LNPEP: variants seen among roughly 807,000 people sequenced by gnomAD.
LNPEP encodes the protein leucyl-cystinyl aminopeptidase.
LNPEP carries 64 observed loss-of-function variants against 120.6 expected under a neutral mutation model. The ratio of observed to expected loss-of-function variants is 0.53; its 90% CI spans 0.43 to 0.65. LNPEP has a LOEUF of 0.65. Among genes scored for constraint, LNPEP ranks in the 30% least tolerant of loss-of-function variants. The probability of loss-of-function intolerance (pLI) is 0.00; values close to 1 mark genes in which losing one functional copy is unlikely to be tolerated. For missense variants in LNPEP, 1,057 were observed against 1,200.0 expected (o/e 0.88, Z 1.76); for synonymous variants, 435 against 425.4 (o/e 1.02, Z -0.28).
chr5:97,019,513 A>G lies in LNPEP; in HGVS notation c.2377-2787A>G, dbSNP rs564380783. Among the ~76,000 whole-genome samples, 3 of 152,298 alleles carry G rather than the reference A, an allele frequency of 2.0e-5. No homozygotes were observed. The East Asian group carries it at 5.8e-4, about 29-fold the overall frequency. The stretch of plus-strand genomic sequence containing the variant: ...ATGTTATAATTTGAAATACATTTAA[A>G]CAACTATTTTGAGAACTTGCCTTAA... On this transcript the variant is annotated intron_variant, in intron 13 of 17. Transcript: ENST00000231368.
At chr5:97,002,858 C>G (rs1269275844) in intron 8 of LNPEP, among the ~76,000 whole-genome samples, 1 of 152,090 alleles carries the variant, frequency 6.6e-6, no homozygotes, top group East Asian at 1.9e-4. Flanking sequence ...TGCTCCCTGC[C>G]CTATACATTT....
At chr5:97,011,995 C>A (rs1359104263) in intron 11 of LNPEP, among the ~76,000 whole-genome samples, 1 of 151,940 alleles carries the variant, frequency 6.6e-6, no homozygotes, top group Non-Finnish European at 1.5e-5. Flanking sequence ...ATCTTTAGTA[C>A]CTAAGCTAAG....
At chr5:96,938,123 A>G (rs1788963495) in intron 1 of LNPEP, among the ~76,000 whole-genome samples, 1 of 152,248 alleles carries the variant, frequency 6.6e-6, no homozygotes, top group Non-Finnish European at 1.5e-5. Context: ...CAGGGTATTT[A>G]TTTGAAAACT....
chr5:96,936,139 G>T lies in LNPEP; in HGVS notation c.-17G>T. On this transcript the variant is annotated 5_prime_UTR_variant, in exon 1 of 18. Coordinates refer to ENST00000231368, the MANE Select transcript of LNPEP (RefSeq NM_005575.3). ...AGCTCGGGCGCTCCGGCTGTAAGGA[G>T]CCGCGGCGGGGGGAAAATGGAGCCC... The T allele has an allele frequency of 6.6e-7, 1 of 1,508,448 alleles. No individual in the cohort carries two copies. The highest frequency in any genetic ancestry group is 8.9e-7 in the Non-Finnish European group (1 of 1,129,410). 93.4% of individuals were successfully genotyped at this position (1,508,448 alleles called of 1,614,324 possible).
At chr5:96,943,871 G>A (rs1789119033) in intron 1 of LNPEP, among the ~76,000 whole-genome samples, 1 of 152,194 alleles carries the variant, frequency 6.6e-6, no homozygotes, top group African/African-American at 2.4e-5. Flanking sequence ...CAAAAATGTA[G>A]TCACTGAACC....
At chr5:96,977,134 A>G (rs951731422) in intron 1 of LNPEP, among the ~76,000 whole-genome samples, 2 of 152,148 alleles carry the variant, frequency 1.3e-5, no homozygotes, top group African/African-American at 4.8e-5. Context: ...GAGAGGAGTC[A>G]GGAAAAGGTA....
Position 97,036,561 on chromosome 5 carries a change from G to A in LNPEP, c.*8028G>A, listed in dbSNP as rs1791576042. ...AAACTCCACATTTGTCTGCATCAGG[G>A]AAAATGCATGGGCACACATCCTCCC... On this transcript the variant is annotated 3_prime_UTR_variant, in exon 18 of 18. Transcript: ENST00000231368. 1 of 152,078 alleles carries A rather than the reference G, an allele frequency of 6.6e-6. No individual in the cohort carries two copies. The highest frequency in any genetic ancestry group is 2.1e-4 in the South Asian group (1 of 4,822). The allele number at this position is 152,078 out of a possible 1,614,324, so 9.4% of individuals were successfully genotyped here.
chr5:96,976,866 A>G (rs1331987516), intron 1 of LNPEP, among the ~76,000 whole-genome samples: 1 of 152,086 alleles, frequency 6.6e-6, no homozygotes, highest in Non-Finnish European at 1.5e-5. Flanking sequence ...ATACAGCAAT[A>G]TTTGCTCTGT....
intron 11 of LNPEP, chr5:97,011,280 C>G: frequency 1.3e-6 from 1 of 772,528 alleles, no homozygotes; most frequent in Non-Finnish European, 1.6e-6. Context: ...GGCTAAGGTA[C>G]AGTGGCATGA....
In LNPEP at chr5:97,022,568, G is replaced by T. The variant is rs867927241; in HGVS notation, c.2561+84G>T. On this transcript the variant is annotated intron_variant, in intron 14 of 17. Transcript: ENST00000231368. ...CAGTATCCAGGGTATTCTCATCCTGGATCATAAATGTTATAAAACTGAGTG... is the reference window on the plus strand; with the variant it reads ...CAGTATCCAGGGTATTCTCATCCTGTATCATAAATGTTATAAAACTGAGTG... 30 of 1,103,102 alleles carry T rather than the reference G, an allele frequency of 2.7e-5. No homozygotes were observed. In the Middle Eastern group the frequency reaches 6.0e-4, roughly 22 times the overall value. 68.3% of individuals were successfully genotyped at this position (1,103,102 alleles called of 1,614,324 possible). A position where few individuals can be genotyped will look rare whatever the true frequency, so the allele number is the denominator to read the frequency against.
intron 1 of LNPEP, among the ~76,000 whole-genome samples, chr5:96,962,503 A>C (rs1581987492): frequency 6.6e-6 from 1 of 152,330 alleles, no homozygotes; most frequent in East Asian, 1.9e-4. Context: ...ACTCAATGAG[A>C]TAGATAATAT....
chr5:96,978,801 C>T (rs1019907228), intron 1 of LNPEP, among the ~76,000 whole-genome samples: 1 of 152,144 alleles, frequency 6.6e-6, no homozygotes, highest in Non-Finnish European at 1.5e-5. Flanking sequence ...AAAACAGTGC[C>T]CTCTCAAGCC....
At chr5:96,946,557 T>G (rs1262036176) in intron 1 of LNPEP, among the ~76,000 whole-genome samples, 1 of 152,254 alleles carries the variant, frequency 6.6e-6, no homozygotes, top group East Asian at 1.9e-4. Context: ...GAAGAATTTA[T>G]GCATAGAATC....
At chr5:96,966,810 T>C (rs1789737985) in intron 1 of LNPEP, among the ~76,000 whole-genome samples, 1 of 152,120 alleles carries the variant, frequency 6.6e-6, no homozygotes, top group South Asian at 2.1e-4. Context: ...AAACGTGTCT[T>C]TAACTTTTCA....
At chr5:96,968,334 G>T (rs554995616) in intron 1 of LNPEP, among the ~76,000 whole-genome samples, 1 of 152,208 alleles carries the variant, frequency 6.6e-6, no homozygotes. Context: ...CAAGAAGCAA[G>T]CCTGTACTGG....
intron 17 of LNPEP, 89 bp downstream of exon 17, chr5:97,027,903 TC>T (rs1189804339): frequency 2.6e-6 from 2 of 769,104 alleles, no homozygotes; most frequent in Non-Finnish European, 4.7e-6. Flanking sequence ...TGGTGGATTT[TC>T]ATGCTAATTC....
In LNPEP at chr5:97,030,616, C is replaced by CTGTG. The variant is rs1317449908; in HGVS notation, c.*2084_*2085insGTGT. 2.9e-5 allele frequency: 2 copies of CTGTG among 69,954 alleles called. No homozygotes were observed. The highest frequency in any genetic ancestry group is 6.3e-5 in the Non-Finnish European group (2 of 31,822). The allele number at this position is 69,954 out of a possible 1,614,324, so 4.3% of individuals were successfully genotyped here. On this transcript the variant is annotated 3_prime_UTR_variant, in exon 18 of 18. Coordinates refer to ENST00000231368, the MANE Select transcript of LNPEP (RefSeq NM_005575.3). ...ATATCATTTCTCTCCCTCTCTCTCT[C>CTGTG]TCTCTGTGTGTGTGTGTGTGTGTGT...
intron 1 of LNPEP, among the ~76,000 whole-genome samples, chr5:96,964,460 G>GT (rs1462902468): frequency 4.6e-5 from 7 of 152,024 alleles, no homozygotes; most frequent in South Asian, 4.2e-4. Flanking sequence ...TTATTTAAAT[G>GT]TTTATAACCT....
chr5:96,969,046 G>C (rs1002903336), intron 1 of LNPEP, among the ~76,000 whole-genome samples: 1 of 152,010 alleles, frequency 6.6e-6, no homozygotes, highest in Non-Finnish European at 1.5e-5. Flanking sequence ...TTATATTTAT[G>C]CAAAATGAGC....
Sources: allele counts gnomAD v4.1 joint callset (sites outside exome capture counted in the v4.1 genomes callset), GRCh38; gene constraint gnomAD v4.1.1; transcripts MANE v1.5; gene names NCBI Gene and HGNC (gene_info 2026-07-23, HGNC 2026-07-21).